Variants in CRB1 observed in about 807,000 individuals in gnomAD.
CRB1 encodes protein crumbs homolog 1.
In CRB1, 83 loss-of-function variants were observed where a neutral mutation model predicts 120.0. That is an observed-to-expected ratio of 0.69 (90% CI 0.58 to 0.83). The LOEUF (loss-of-function observed/expected upper bound fraction) is 0.83, where lower values mean the gene tolerates loss of function less well. Ranked by LOEUF, CRB1 falls within the 40% of genes least tolerant of loss-of-function variation. The pLI is 0.00. For synonymous variants in CRB1, 625 were observed against 612.5 expected, an observed-to-expected ratio of 1.02 and a Z score of -0.30; for missense variants, 1,699 against 1,687.6, an observed-to-expected ratio of 1.01 and a Z score of -0.12.
At chr1:197,361,975 T>G (rs548570885) in intron 5 of CRB1, among the ~76,000 whole-genome samples, 1 of 152,164 alleles carries the variant, frequency 6.6e-6, no homozygotes, top group South Asian at 2.1e-4. Context: ...ATAAGCATTA[T>G]AAATTTAACT....
In CRB1 at chr1:197,356,888, A is replaced by G; in HGVS notation, c.1046A>G (p.Gln349Arg). ...DLNECNSNPCQSNGECVELSS... is the reference protein window; with the variant it reads ...DLNECNSNPCRSNGECVELSS... The stretch of plus-strand genomic sequence containing the variant: ...AATGAATGCAATAGTAACCCCTGCC[A>G]GTCCAATGGGGAATGTGTGGAGCTG... Residue 349 changes from glutamine to arginine, a missense_variant, in exon 5 of 12, where the codon CAG (glutamine) becomes CGG (arginine). Transcript: ENST00000367400. The G allele has an allele frequency of 1.9e-6, 3 of 1,614,236 alleles. No individual in the cohort carries two copies. Among genetic ancestry groups the G allele is most frequent in the Non-Finnish European group, 2.5e-6 (3 of 1,180,034 alleles).
chr1:197,320,044 A>G (rs1478679333), intron 1 of CRB1, among the ~76,000 whole-genome samples: 2 of 152,354 alleles, frequency 1.3e-5, no homozygotes, highest in East Asian at 1.9e-4. Context: ...ATTATTCTAT[A>G]AAGACCTGGC....
intron 1 of CRB1, chr1:197,304,330 AT>A: frequency 2.5e-6 from 2 of 811,778 alleles, no homozygotes; most frequent in Non-Finnish European, 3.0e-6. Context: ...AAATATATTG[AT>A]TTTGATTTTG....
At chr1:197,458,244 G>A (rs757515433) in intron 11 of CRB1, among the ~76,000 whole-genome samples, 6 of 152,048 alleles carry the variant, frequency 3.9e-5, no homozygotes, top group African/African-American at 1.4e-4. Flanking sequence ...ATCCAGGAAA[G>A]AGCTAGTAGA....
chr1:197,201,556 G>T, the CRB1 span, among the ~76,000 whole-genome samples: 284 of 152,226 alleles, frequency 1.9e-3, 1 homozygote, highest in Non-Finnish European at 3.5e-3. Flanking sequence ...CCGGGTTTTC[G>T]CAGTGGCTCG....
chr1:197,370,689 G>C (rs1661323806), intron 5 of CRB1, among the ~76,000 whole-genome samples: 1 of 152,166 alleles, frequency 6.6e-6, no homozygotes, highest in Non-Finnish European at 1.5e-5. Flanking sequence ...AAAGTTTATA[G>C]CATTAAATGC....
intron 4 of CRB1, among the ~76,000 whole-genome samples, chr1:197,351,607 T>C (rs1249257376): frequency 5.3e-5 from 8 of 152,180 alleles, no homozygotes; most frequent in Non-Finnish European, 1.2e-4. Flanking sequence ...CCTGGCTTCA[T>C]GGCAGATGAT....
intron 1 of CRB1, among the ~76,000 whole-genome samples, chr1:197,307,752 T>A (rs544828170): frequency 6.6e-6 from 1 of 152,342 alleles, no homozygotes; most frequent in East Asian, 1.9e-4. Context: ...GGTATTACGA[T>A]GCAGTAGGTC....
At chr1:197,348,931 C>G (rs898137342) in intron 4 of CRB1, among the ~76,000 whole-genome samples, 1 of 152,038 alleles carries the variant, frequency 6.6e-6, no homozygotes, top group African/African-American at 2.4e-5. Flanking sequence ...TTCTAATAAA[C>G]CTAGAGTAGC....
upstream of CRB1, among the ~76,000 whole-genome samples, chr1:197,266,263 G>A (rs1334226363): frequency 6.6e-6 from 1 of 152,094 alleles, no homozygotes; most frequent in East Asian, 1.9e-4. Context: ...ACTGGGAAGA[G>A]GAACATCAAG....
chr1:197,310,707 A>G (rs1181297295), intron 1 of CRB1, among the ~76,000 whole-genome samples: 1 of 152,146 alleles, frequency 6.6e-6, no homozygotes, highest in Non-Finnish European at 1.5e-5. Flanking sequence ...ATATATTAGC[A>G]TATTCTATCT....
chr1:197,477,295 A>G (rs1342128940), intron 11 of CRB1, among the ~76,000 whole-genome samples: 1 of 152,202 alleles, frequency 6.6e-6, no homozygotes, highest in Non-Finnish European at 1.5e-5. Flanking sequence ...TTGGCAAGGG[A>G]GGAAAGAGAT....
At position 197,398,892 on chromosome 1, in the gene CRB1, TTGTGTGTGTGTGTGTGTG is replaced by T. The variant is rs140149936; in HGVS notation, c.1172-22082_1172-22065del. On this transcript the variant is annotated intron_variant, in intron 5 of 11. Coordinates refer to ENST00000367400, the MANE Select transcript of CRB1 (RefSeq NM_201253.3). ...GCCAGGAGCTGGGGTCAGGAAATGA[TTGTGTGTGTGTGTGTGTG>T]TGTGTGTGTGTGTGTGTGTGTGTGT... Among the ~76,000 whole-genome samples, 5 of 136,392 alleles carry T rather than the reference TTGTGTGTGTGTGTGTGTG, an allele frequency of 3.7e-5. No homozygotes were observed. The South Asian group carries it at 7.7e-4, about 21-fold the overall frequency. The allele number at this position is 136,392 out of a possible 152,430, so 89.5% of individuals were successfully genotyped here. A position where few individuals can be genotyped will look rare whatever the true frequency, so the allele number is the denominator to read the frequency against.
intron 11 of CRB1, chr1:197,444,235 A>G (rs1665594165): frequency 6.6e-6 from 1 of 152,238 alleles, no homozygotes; most frequent in South Asian, 2.1e-4. Context: ...TCTATCTTGC[A>G]ATAGTAATAG....
At chr1:197,283,021 C>G (rs1217486723) in intron 1 of CRB1, among the ~76,000 whole-genome samples, 2 of 151,460 alleles carry the variant, frequency 1.3e-5, no homozygotes, top group Non-Finnish European at 2.9e-5. Context: ...GCAATCAGAG[C>G]CAAAGGTACA....
At chr1:197,335,567 C>T (rs1273094765) in intron 2 of CRB1, among the ~76,000 whole-genome samples, 1 of 151,884 alleles carries the variant, frequency 6.6e-6, no homozygotes. Flanking sequence ...GGTGCAATCT[C>T]GGCTCGCTGC....
intron 8 of CRB1, among the ~76,000 whole-genome samples, chr1:197,434,458 C>T (rs1478973808): frequency 4.6e-5 from 7 of 152,022 alleles, no homozygotes; most frequent in Non-Finnish European, 5.9e-5. Flanking sequence ...AATTACATGA[C>T]CATGAACAAA....
chr1:197,362,667 T>C (rs1270934618), intron 5 of CRB1, among the ~76,000 whole-genome samples: 3 of 152,150 alleles, frequency 2.0e-5, no homozygotes, highest in Non-Finnish European at 4.4e-5. Context: ...TCTAGTTCAT[T>C]TGATATTGTT....
chr1:197,265,436 C>T (rs1449028648), upstream of CRB1, among the ~76,000 whole-genome samples: 1 of 151,260 alleles, frequency 6.6e-6, no homozygotes, highest in African/African-American at 2.4e-5. Flanking sequence ...CCCTCCCTCC[C>T]TCCTCCTCTT....
Sources: gnomAD v4.1 joint callset for allele counts (sites outside exome capture counted in the v4.1 genomes callset) on GRCh38, gnomAD v4.1.1 for gene constraint, MANE v1.5 for transcripts, NCBI Gene and HGNC (gene_info 2026-07-23, HGNC 2026-07-21) for gene names.